NEDD9: variants seen among roughly 807,000 people sequenced by gnomAD.
NEDD9 encodes neural precursor cell expressed, developmentally down-regulated 9.
A neutral mutation model predicts 76.6 loss-of-function variants in NEDD9; 26 were observed. The observed-to-expected ratio is 0.34, with a 90% confidence interval of 0.25 to 0.47. The LOEUF (loss-of-function observed/expected upper bound fraction) is 0.47, where lower values mean the gene tolerates loss of function less well. Ranked by LOEUF, NEDD9 falls within the 20% of genes least tolerant of loss-of-function variation. NEDD9 has a pLI of 1.00. For missense variants in NEDD9, 937 were observed against 1,058.5 expected (o/e 0.89, Z 1.59); for synonymous variants, 392 against 414.2 (o/e 0.95, Z 0.65).
chr6:11,279,199 G>A (rs1760478839), intron 3 of NEDD9, among the ~76,000 whole-genome samples: 2 of 152,326 alleles, frequency 1.3e-5, no homozygotes, highest in East Asian at 3.9e-4. Flanking sequence ...CTTAAAATAT[G>A]ATATTTCCAG....
intron 2 of NEDD9, among the ~76,000 whole-genome samples, chr6:11,322,403 G>GACT (rs1442846239): frequency 6.6e-6 from 1 of 152,100 alleles, no homozygotes; most frequent in African/African-American, 2.4e-5. Context: ...GGCACCTGAG[G>GACT]ACTGAGCTGG....
At chr6:11,366,294 G>GGAAA (rs1033127079) in intron 1 of NEDD9, among the ~76,000 whole-genome samples, 1,225 of 117,304 alleles carry the variant, frequency 0.01, 35 homozygotes, top group African/African-American at 0.04. Flanking sequence ...AAGGAAGGAA[G>GGAAA]GAAAGAAAGA....
chr6:11,218,138 G>A (rs1000007932), intron 1 of NEDD9, among the ~76,000 whole-genome samples: 2 of 152,174 alleles, frequency 1.3e-5, no homozygotes, highest in Non-Finnish European at 2.9e-5. Flanking sequence ...CTGCATTCCA[G>A]TCCCTTATAT....
At chr6:11,263,711 CAT>C (rs544810976) in intron 3 of NEDD9, among the ~76,000 whole-genome samples, 7 of 152,174 alleles carry the variant, frequency 4.6e-5, no homozygotes, top group Non-Finnish European at 1.0e-4. Context: ...CATGAGGTCA[CAT>C]GTGCATAGGT....
intron 3 of NEDD9, chr6:11,305,267 C>T: frequency 1.7e-6 from 1 of 594,850 alleles, no homozygotes; most frequent in South Asian, 1.8e-5. Context: ...ATCCTCTGAA[C>T]AATCTTCCTG....
intron 3 of NEDD9, chr6:11,258,731 A>T (rs1290632161): frequency 6.6e-6 from 1 of 152,260 alleles, no homozygotes; most frequent in Non-Finnish European, 1.5e-5. Flanking sequence ...GTTGAAGGAC[A>T]CAAAGCCATA....
In NEDD9 at chr6:11,370,095, G is replaced by T. The variant is rs1483444027; in HGVS notation, c.-214+12044C>A. Reference sequence around the variant, plus strand: ...AATATCATTAGGGATGTCAACTGAGGTATATAAAGAGTCTTTTCCCTAAGG... The same window carrying T: ...AATATCATTAGGGATGTCAACTGAGTTATATAAAGAGTCTTTTCCCTAAGG... On this transcript the variant is annotated intron_variant, in intron 1 of 3. Transcript: ENST00000397378. This position sits in a 1 kb window ranked among gnomAD's most constrained non-coding sequence, Gnocchi z 4.2. 6.6e-6 allele frequency among the ~76,000 whole-genome samples: 1 copy of T among 152,164 alleles called. No individual in the cohort carries two copies. Among genetic ancestry groups the T allele is most frequent in the African/African-American group, 2.4e-5 (1 of 41,420 alleles).
chr6:11,326,322 AG>A lies in NEDD9; in HGVS notation c.-153+8178del, dbSNP rs1324093985. On this transcript the variant is annotated intron_variant, in intron 2 of 3. Transcript: ENST00000397378. ...CCAGGTCCTCCCTGCTCATGATTAT[AG>A]CTTGCTGTGGGACTCCACCAAAATT... 1.5e-4 allele frequency among the ~76,000 whole-genome samples: 23 copies of A among 152,292 alleles called. 1 individual carries two copies. The East Asian group carries it at 4.4e-3, about 29-fold the overall frequency.
At chr6:11,270,695 G>T (rs1480519828) in intron 3 of NEDD9, among the ~76,000 whole-genome samples, 1 of 152,218 alleles carries the variant, frequency 6.6e-6, no homozygotes, top group Non-Finnish European at 1.5e-5. Context: ...CTGGTTCAGT[G>T]AAGTTACTTA....
At chr6:11,332,958 G>A (rs1350253112) in intron 2 of NEDD9, among the ~76,000 whole-genome samples, 2 of 151,720 alleles carry the variant, frequency 1.3e-5, no homozygotes, top group Non-Finnish European at 2.9e-5. Context: ...AGATATATGA[G>A]GAGTCCCACG....
At chr6:11,282,648 C>A (rs1760557409) in intron 3 of NEDD9, among the ~76,000 whole-genome samples, 1 of 152,166 alleles carries the variant, frequency 6.6e-6, no homozygotes, top group Non-Finnish European at 1.5e-5. Flanking sequence ...TTACTTTTTT[C>A]ATGGCATGGA....
intron 1 of NEDD9, among the ~76,000 whole-genome samples, chr6:11,219,771 T>C (rs1759084010): frequency 6.6e-6 from 1 of 152,232 alleles, no homozygotes; most frequent in South Asian, 2.1e-4. Flanking sequence ...TTGGCTACAT[T>C]TCTCCTTTCC....
intron 3 of NEDD9, among the ~76,000 whole-genome samples, chr6:11,294,145 C>T (rs922565497): frequency 6.6e-6 from 1 of 152,158 alleles, no homozygotes; most frequent in Non-Finnish European, 1.5e-5. Flanking sequence ...CATGGAGGTG[C>T]ATAGAACTCT....
At position 11,213,707 on chromosome 6, in the gene NEDD9, T is replaced by C; in HGVS notation, c.33A>G (p.Leu11=). 6.2e-7 allele frequency: 1 copy of C among 1,614,102 alleles called. No homozygotes were observed. The highest frequency in any genetic ancestry group is 1.6e-4 in the Middle Eastern group (1 of 6,062). Residue 11 remains leucine (L), a synonymous_variant, in exon 2 of 7, where the codon TTA becomes TTG. Transcript: ENST00000379446. The surrounding 1 kb of genome is among the most constrained non-coding windows in gnomAD (Gnocchi z 5.4). Reference sequence around the variant, plus strand: ...CGGCACACTCTGGGACATTGTCATATAAGGCCCTTGCCATAAGATTCTAGG... The same window carrying C: ...CGGCACACTCTGGGACATTGTCATACAAGGCCCTTGCCATAAGATTCTAGG... MKYKNLMARA[L]YDNVPECAEE...
At chr6:11,329,907 C>A (rs1233625342) in intron 2 of NEDD9, among the ~76,000 whole-genome samples, 1 of 152,156 alleles carries the variant, frequency 6.6e-6, no homozygotes, top group East Asian at 1.9e-4. Flanking sequence ...CAACCCTGCA[C>A]TGGGGAGGGC....
At chr6:11,244,262 C>T (rs187966127) in intron 3 of NEDD9, among the ~76,000 whole-genome samples, 1 of 151,406 alleles carries the variant, frequency 6.6e-6, no homozygotes, top group Non-Finnish European at 1.5e-5. Flanking sequence ...TTTCTCTTTA[C>T]ACACACACAC....
At chr6:11,374,908 C>A (rs1304352767) in intron 1 of NEDD9, among the ~76,000 whole-genome samples, 1 of 152,024 alleles carries the variant, frequency 6.6e-6, no homozygotes, top group South Asian at 2.1e-4. Flanking sequence ...TCTTTTTTTT[C>A]TTTTTGTTTT....
At chr6:11,381,007 C>T (rs527255576) in intron 1 of NEDD9, among the ~76,000 whole-genome samples, 1 of 152,272 alleles carries the variant, frequency 6.6e-6, no homozygotes, top group South Asian at 2.1e-4. Context: ...AAAGTGACAG[C>T]CACTAAATAG....
intron 3 of NEDD9, chr6:11,251,515 C>T (rs1311648903): frequency 2.0e-5 from 3 of 152,194 alleles, no homozygotes; most frequent in Non-Finnish European, 2.9e-5. Context: ...GCGGGACTCA[C>T]ATCAGGATCT....
Sources: allele counts gnomAD v4.1 joint callset (sites outside exome capture counted in the v4.1 genomes callset), GRCh38; gene constraint gnomAD v4.1.1; non-coding constraint Gnocchi (gnomAD v3.1); transcripts MANE v1.5; gene names NCBI Gene and HGNC (gene_info 2026-07-23, HGNC 2026-07-21).